SYT14: variants seen among roughly 807,000 people sequenced by gnomAD.
SYT14 encodes the protein synaptotagmin-14.
In SYT14, 32 loss-of-function variants were observed where a neutral mutation model predicts 74.2. The ratio of observed to expected loss-of-function variants is 0.43; its 90% confidence interval spans 0.33 to 0.58. SYT14 has a LOEUF of 0.58. SYT14 is among the 20% of genes least tolerant of loss of function. SYT14 has a pLI of 0.05. For synonymous variants in SYT14, 298 were observed against 337.7 expected, an observed-to-expected ratio of 0.88 and a Z score of 1.29; for missense variants, 791 against 981.8, an observed-to-expected ratio of 0.81 and a Z score of 2.60.
intron 2 of SYT14, among the ~76,000 whole-genome samples, chr1:210,009,146 C>G (rs900944545): frequency 6.6e-6 from 1 of 152,184 alleles, no homozygotes. Flanking sequence ...GCATGTTGTA[C>G]AGTATTCATA....
At chr1:210,151,222 T>C (rs535358336) in intron 7 of SYT14, among the ~76,000 whole-genome samples, 1 of 152,288 alleles carries the variant, frequency 6.6e-6, no homozygotes, top group Non-Finnish European at 1.5e-5. Flanking sequence ...TTTGCATTAA[T>C]CACCTGCAGC....
At chr1:210,056,315 AC>A (rs1264207187) in intron 5 of SYT14, among the ~76,000 whole-genome samples, 1 of 151,646 alleles carries the variant, frequency 6.6e-6, no homozygotes, top group South Asian at 2.1e-4. Context: ...TTGAGACCTC[AC>A]CCCCCACCAA....
chr1:209,942,932 A>G (rs1269884632), intron 1 of SYT14, among the ~76,000 whole-genome samples: 4 of 152,106 alleles, frequency 2.6e-5, no homozygotes, highest in Admixed American at 1.3e-4. Flanking sequence ...GTGTGTGTGT[A>G]TATAGTGCAT....
intron 5 of SYT14, among the ~76,000 whole-genome samples, chr1:210,088,633 T>C (rs952585749): frequency 5.1e-4 from 78 of 152,076 alleles, no homozygotes; most frequent in Admixed American, 1.3e-3. Flanking sequence ...GGCACATATA[T>C]ACCATGGAAT....
chr1:210,059,123 GAGTTTTAAATTCTACT>G lies in SYT14; in HGVS notation c.1313-35196_1313-35181del, dbSNP rs139640008. On this transcript the variant is annotated intron_variant, in intron 5 of 9. Coordinates refer to ENST00000637265, the Ensembl canonical transcript of SYT14. ...GGAAATTAAGTTAGACCTGGGAATG[GAGTTTTAAATTCTACT>G]AGCTTTAAATTCTACTAGATTCTTT... 9.5e-4 allele frequency among the ~76,000 whole-genome samples: 145 copies of G among 152,120 alleles called. 3 individuals are homozygous for G. The East Asian group carries it at 0.027, about 29-fold the overall frequency.
intron 7 of SYT14, among the ~76,000 whole-genome samples, chr1:210,136,131 G>C (rs2082780088): frequency 6.6e-6 from 1 of 152,288 alleles, no homozygotes; most frequent in South Asian, 2.1e-4. Context: ...ACAGCAGGTG[G>C]AGAAATTGGT....
In SYT14 at chr1:210,040,178, A is replaced by C. The variant is rs1043656914; in HGVS notation, c.1312+18924A>C. Among the ~76,000 whole-genome samples the C allele has an allele frequency of 1.6e-4, 25 of 152,348 alleles. 1 individual carries two copies. In the East Asian group the frequency reaches 4.6e-3, roughly 28 times the overall value. Reference sequence around the variant, plus strand: ...ATGTGGCACATATACACCATGGAATACTATGCAGCCATAAAAAGGATGAGT... The same window carrying C: ...ATGTGGCACATATACACCATGGAATCCTATGCAGCCATAAAAAGGATGAGT... On this transcript the variant is annotated intron_variant, in intron 5 of 9. Transcript: ENST00000637265.
intron 6 of SYT14, among the ~76,000 whole-genome samples, chr1:210,096,053 T>C (rs1326255704): frequency 6.6e-6 from 1 of 152,214 alleles, no homozygotes. Flanking sequence ...GAGCTTTATG[T>C]AGTCTGCTCA....
chr1:210,087,902 G>A (rs2081770713), intron 5 of SYT14, among the ~76,000 whole-genome samples: 1 of 152,270 alleles, frequency 6.6e-6, no homozygotes, highest in Admixed American at 6.5e-5. Flanking sequence ...TGGCTTTAGG[G>A]CTGAAATTTT....
chr1:210,030,007 G>T (rs1402695715), intron 5 of SYT14, among the ~76,000 whole-genome samples: 1 of 151,986 alleles, frequency 6.6e-6, no homozygotes, highest in South Asian at 2.1e-4. Flanking sequence ...TGATGTAATC[G>T]CAAATGGAAT....
chr1:209,988,697 C>T (rs1310425982), intron 2 of SYT14, among the ~76,000 whole-genome samples: 1 of 152,198 alleles, frequency 6.6e-6, no homozygotes, highest in Non-Finnish European at 1.5e-5. Context: ...ATCAGTGGCT[C>T]ATAAGGTTTG....
At position 210,013,810 on chromosome 1, in the gene SYT14, T is replaced by G; in HGVS notation, c.-321+13T>G. 2 of 1,608,886 alleles carry G rather than the reference T, an allele frequency of 1.2e-6. No homozygotes were observed. Among genetic ancestry groups the G allele is most frequent in the Non-Finnish European group, 1.7e-6 (2 of 1,178,176 alleles). On this transcript the variant is annotated intron_variant, in intron 3 of 9. Coordinates refer to ENST00000637265, the Ensembl canonical transcript of SYT14. ...CAAGATAAAATTTGTAAGTATCGTA[T>G]TGCTGCTTCTCTTGTTTGTTCTTTT... is the stretch of plus-strand genomic sequence containing the variant.
At chr1:210,067,243 T>C (rs1232546583) in intron 5 of SYT14, among the ~76,000 whole-genome samples, 3 of 152,056 alleles carry the variant, frequency 2.0e-5, no homozygotes, top group Non-Finnish European at 4.4e-5. Flanking sequence ...CTTCCTACTG[T>C]ATTCTTCTTT....
rs1330222410 is a variant in SYT14, at chr1:209,986,111, C to T, written c.-485-27522C>T. 4.6e-5 allele frequency among the ~76,000 whole-genome samples: 7 copies of T among 152,308 alleles called. No individual in the cohort carries two copies. The South Asian group carries it at 6.2e-4, about 14-fold the overall frequency. On this transcript the variant is annotated intron_variant, in intron 2 of 9. Coordinates refer to ENST00000637265, the Ensembl canonical transcript of SYT14. ...AAATTTCTCTAGGAAGTGGTTGCTC[C>T]GCAGCCTGCTTAAATTCCTGCCTTG...
chr1:210,144,588 G>C (rs2082991394), intron 7 of SYT14, among the ~76,000 whole-genome samples: 1 of 151,816 alleles, frequency 6.6e-6, no homozygotes, highest in African/African-American at 2.4e-5. Flanking sequence ...TTTTTAAAAT[G>C]AAATTCAATA....
At chr1:209,960,545 A>G (rs922506704) in intron 2 of SYT14, among the ~76,000 whole-genome samples, 3 of 152,208 alleles carry the variant, frequency 2.0e-5, no homozygotes, top group Admixed American at 1.3e-4. Context: ...GAGAAATAGT[A>G]GCAAAAAACA....
intron 7 of SYT14, among the ~76,000 whole-genome samples, chr1:210,133,379 G>A (rs556566265): frequency 6.6e-6 from 1 of 152,296 alleles, no homozygotes; most frequent in South Asian, 2.1e-4. Flanking sequence ...ATTATCACTG[G>A]AGAAGTCCTC....
chr1:210,033,996 T>C (rs893935709), intron 5 of SYT14, among the ~76,000 whole-genome samples: 5 of 151,848 alleles, frequency 3.3e-5, no homozygotes, highest in African/African-American at 1.2e-4. Context: ...GTCTGAAAAA[T>C]CTGTATTTTT....
chr1:210,021,985 T>A (rs1450212366), intron 5 of SYT14, among the ~76,000 whole-genome samples: 1 of 152,218 alleles, frequency 6.6e-6, no homozygotes, highest in Admixed American at 6.5e-5. Flanking sequence ...TAAAGCATAT[T>A]TATTTCCACA....
Sources: gnomAD v4.1 joint callset for allele counts (sites outside exome capture counted in the v4.1 genomes callset) on GRCh38, gnomAD v4.1.1 for gene constraint, MANE v1.5 for transcripts, NCBI Gene and HGNC (gene_info 2026-07-23, HGNC 2026-07-21) for gene names.